The following SMOC2 variants were observed in gnomAD, a reference collection of about 807,000 sequenced individuals.
SMOC2 encodes the protein SPARC-related modular calcium-binding protein 2.
In SMOC2, 39 loss-of-function variants were observed where a neutral mutation model predicts 61.4. The observed-to-expected ratio is 0.64, with a 90% CI of 0.49 to 0.83. SMOC2 has a LOEUF of 0.83. SMOC2 is among the 40% of genes least tolerant of loss of function. The probability of loss-of-function intolerance (pLI) is 0.00; values close to 1 mark genes in which losing one functional copy is unlikely to be tolerated. For missense variants in SMOC2, 556 were observed against 592.9 expected, an observed-to-expected ratio of 0.94 and a Z score of 0.65; for synonymous variants, 247 against 239.9, an observed-to-expected ratio of 1.03 and a Z score of -0.27.
chr6:168,486,777 A>G (rs759802229), intron 1 of SMOC2, among the ~76,000 whole-genome samples: 10 of 152,120 alleles, frequency 6.6e-5, no homozygotes, highest in Non-Finnish European at 1.5e-4. Flanking sequence ...AAAACAAAAC[A>G]TATTCTTAGT....
chr6:168,492,069 C>T (rs577389723), intron 1 of SMOC2, among the ~76,000 whole-genome samples: 5 of 152,218 alleles, frequency 3.3e-5, no homozygotes, highest in African/African-American at 1.2e-4. Flanking sequence ...ATTACTAATG[C>T]ACTTAATTAA....
intron 11 of SMOC2, among the ~76,000 whole-genome samples, chr6:168,656,607 T>A (rs1211215535): frequency 6.6e-6 from 1 of 150,612 alleles, no homozygotes; most frequent in Non-Finnish European, 1.5e-5. Flanking sequence ...ACAGGGGCCC[T>A]TTGATCTGAC....
intron 9 of SMOC2, among the ~76,000 whole-genome samples, chr6:168,633,093 G>A (rs1786612615): frequency 6.6e-6 from 1 of 152,210 alleles, no homozygotes; most frequent in Non-Finnish European, 1.5e-5. Context: ...TGCTGTTTGA[G>A]GACGTAGGGC....
intron 7 of SMOC2, among the ~76,000 whole-genome samples, chr6:168,568,827 G>T (rs1164705418): frequency 2.6e-5 from 4 of 152,154 alleles, no homozygotes; most frequent in Non-Finnish European, 5.9e-5. Context: ...ATTCGTTTAA[G>T]GTTCCTCTGT....
At chr6:168,662,365 G>C (rs1301484205) in intron 11 of SMOC2, among the ~76,000 whole-genome samples, 2 of 152,230 alleles carry the variant, frequency 1.3e-5, no homozygotes, top group Non-Finnish European at 2.9e-5. Context: ...AGGAGGCCCT[G>C]CAAGGTGCGA....
chr6:168,624,629 GACA>G (rs890167536), intron 9 of SMOC2, among the ~76,000 whole-genome samples: 1 of 100,658 alleles, frequency 9.9e-6, no homozygotes, highest in African/African-American at 3.8e-5. Context: ...CACAGACACA[GACA>G]ACAGTACAAA....
chr6:168,531,840 C>CATAACTCCATGTTGTCTCCATAA (rs1451702444), intron 4 of SMOC2, among the ~76,000 whole-genome samples: 2 of 152,146 alleles, frequency 1.3e-5, no homozygotes, highest in African/African-American at 4.8e-5. Context: ...CATGTTTCTC[C>CATAACTCCATGTTGTCTCCATAA]CCCAAATACC....
intron 7 of SMOC2, among the ~76,000 whole-genome samples, chr6:168,595,179 C>A (rs1785290883): frequency 7.3e-6 from 1 of 137,008 alleles, no homozygotes. Context: ...GCTCCTCCTC[C>A]TTCCTGAGGC....
intron 12 of SMOC2, 74 bp downstream of exon 12, chr6:168,664,185 G>T: frequency 1.7e-6 from 2 of 1,184,400 alleles, no homozygotes; most frequent in South Asian, 2.5e-5. Flanking sequence ...GAGTTATGTA[G>T]ATTTGCAATG....
chr6:168,602,027 T>A (rs1487399662), intron 8 of SMOC2, among the ~76,000 whole-genome samples: 1 of 152,208 alleles, frequency 6.6e-6, no homozygotes, highest in Non-Finnish European at 1.5e-5. Context: ...TAATTTTACC[T>A]TTATTATTAT....
intron 1 of SMOC2, among the ~76,000 whole-genome samples, chr6:168,496,220 T>G (rs1469401667): frequency 6.6e-6 from 1 of 152,142 alleles, no homozygotes; most frequent in African/African-American, 2.4e-5. Context: ...AACTGTTTGT[T>G]TCTTGGGCAT....
At chr6:168,552,768 T>G (rs1784155446) in intron 7 of SMOC2, among the ~76,000 whole-genome samples, 1 of 151,990 alleles carries the variant, frequency 6.6e-6, no homozygotes, top group Non-Finnish European at 1.5e-5. Flanking sequence ...GATCTGTAAG[T>G]CAGGCAGAAT....
intron 1 of SMOC2, among the ~76,000 whole-genome samples, chr6:168,509,222 T>C (rs1016451680): frequency 6.6e-6 from 1 of 152,182 alleles, no homozygotes; most frequent in African/African-American, 2.4e-5. Context: ...CCGTGGGAAC[T>C]GCGGAGCACA....
rs527641364 is a variant in SMOC2, at chr6:168,576,716, T to G, written c.638-22102T>G. On this transcript the variant is annotated intron_variant, in intron 7 of 12. Transcript: ENST00000356284. ...TGGGGTGGAAGGAATGAGGGAAGGT[T>G]TCCCTGAGGAAACAAGGCAGAAGCA... 1.4e-3 allele frequency among the ~76,000 whole-genome samples: 214 copies of G among 152,112 alleles called. 2 individuals are homozygous for G. Among genetic ancestry groups the G allele is most frequent in the African/African-American group, 4.8e-3 (197 of 41,416 alleles).
chr6:168,645,388 G>C (rs1383641434), intron 9 of SMOC2, among the ~76,000 whole-genome samples: 1 of 152,160 alleles, frequency 6.6e-6, no homozygotes, highest in Non-Finnish European at 1.5e-5. Flanking sequence ...AACCCACGGG[G>C]AAGGGCCACT....
At chr6:168,591,154 A>G (rs2180342) in intron 7 of SMOC2, among the ~76,000 whole-genome samples, 116,676 of 152,196 alleles carry the variant, frequency 0.77, 44,926 homozygotes, top group South Asian at 0.83. Context: ...TGGGAATCAC[A>G]TTGCTAGCCT....
At chr6:168,628,994 C>T (rs553753072) in intron 9 of SMOC2, among the ~76,000 whole-genome samples, 13 of 152,330 alleles carry the variant, frequency 8.5e-5, no homozygotes, top group South Asian at 6.2e-4. Context: ...CCACCCTCCG[C>T]GTTGGCTGGC....
intron 5 of SMOC2, among the ~76,000 whole-genome samples, chr6:168,545,206 T>C (rs1290337677): frequency 1.3e-5 from 2 of 152,004 alleles, no homozygotes; most frequent in East Asian, 1.9e-4. Context: ...ATCATCGTCT[T>C]TCAGAGGGCA....
chr6:168,458,682 G>A (rs1267784917), intron 1 of SMOC2, among the ~76,000 whole-genome samples: 2 of 152,060 alleles, frequency 1.3e-5, no homozygotes, highest in African/African-American at 4.8e-5. Context: ...CTTCCTGCTC[G>A]AGATGTGAAG....
Sources: allele counts gnomAD v4.1 joint callset (sites outside exome capture counted in the v4.1 genomes callset), GRCh38; gene constraint gnomAD v4.1.1; transcripts MANE v1.5; gene names NCBI Gene and HGNC (gene_info 2026-07-23, HGNC 2026-07-21).